The following HTR1E variants were observed in gnomAD, a reference collection of about 807,000 sequenced individuals.
The protein encoded by HTR1E is 5-HT-1E.
Under a neutral mutation model 3.4 loss-of-function variants are expected in HTR1E, and 3 were observed. The ratio of observed to expected loss-of-function variants is 0.89; its 90% CI spans 0.41 to 2.31. The LOEUF (loss-of-function observed/expected upper bound fraction) is 2.31, where lower values mean the gene tolerates loss of function less well. Ranked by LOEUF, HTR1E falls within the 30% of genes most tolerant of loss-of-function variation. The pLI is 0.05. For synonymous variants in HTR1E, 170 were observed against 182.8 expected (o/e 0.93, Z 0.56); for missense variants, 392 against 467.0 (o/e 0.84, Z 1.48).
intron 1 of HTR1E, among the ~76,000 whole-genome samples, chr6:86,960,217 C>T (rs1767385337): frequency 6.6e-6 from 1 of 152,154 alleles, no homozygotes; most frequent in South Asian, 2.1e-4. Context: ...TGAGGGCCTT[C>T]TTGCTGCACC....
At chr6:86,986,937 G>A (rs990769374) in intron 1 of HTR1E, among the ~76,000 whole-genome samples, 9 of 151,934 alleles carry the variant, frequency 5.9e-5, no homozygotes, top group Non-Finnish European at 8.8e-5. Flanking sequence ...ATTGAGGAAG[G>A]AAAAAGAAAA....
rs188672251 is a variant in HTR1E, at chr6:86,961,260, C to T, written c.-186+23437C>T. 2.5e-3 allele frequency among the ~76,000 whole-genome samples: 376 copies of T among 152,232 alleles called. 1 individual carries two copies. Among genetic ancestry groups the T allele is most frequent in the African/African-American group, 8.5e-3 (353 of 41,534 alleles). On this transcript the variant is annotated intron_variant, in intron 1 of 1. Transcript: ENST00000305344. Reference sequence around the variant, plus strand: ...TTAAAATCATCTCCTCATGCCTTTACAATTAAAAGTCATAGCTAATTATAA... The same window carrying T: ...TTAAAATCATCTCCTCATGCCTTTATAATTAAAAGTCATAGCTAATTATAA...
At chr6:86,949,964 G>A (rs1432453913) in intron 1 of HTR1E, among the ~76,000 whole-genome samples, 1 of 152,074 alleles carries the variant, frequency 6.6e-6, no homozygotes, top group African/African-American at 2.4e-5. Context: ...GGAGGCAGCT[G>A]GTCTCTCCCA....
At chr6:86,953,836 C>T (rs1164088843) in intron 1 of HTR1E, among the ~76,000 whole-genome samples, 1 of 152,072 alleles carries the variant, frequency 6.6e-6, no homozygotes, top group African/African-American at 2.4e-5. Context: ...CCTCAGGAAA[C>T]TTGCAATTAT....
rs1262092499 is a variant in HTR1E, at chr6:87,015,134, G to A, written c.-185-16G>A. The A allele has an allele frequency of 7.7e-6, 3 of 388,964 alleles. No individual in the cohort carries two copies. The highest frequency in any genetic ancestry group is 9.1e-6 in the Non-Finnish European group (2 of 220,190). The allele number at this position is 388,964 out of a possible 1,614,324, so 24.1% of individuals were successfully genotyped here. A position where few individuals can be genotyped will look rare whatever the true frequency, so the allele number is the denominator to read the frequency against. On this transcript the variant is annotated splice_polypyrimidine_tract_variant and intron_variant, in intron 1 of 1. Transcript: ENST00000305344. ...TGGCTTTCTCATTCATTAACCAATA[G>A]CATAATATTTTCCAGGAACCTTCAC...
chr6:87,005,523 C>A (rs2127831500), intron 1 of HTR1E, among the ~76,000 whole-genome samples: 1 of 152,272 alleles, frequency 6.6e-6, no homozygotes, highest in South Asian at 2.1e-4. Flanking sequence ...GCCGGGAGAA[C>A]TGGCAGCATT....
rs148053171 is a variant in HTR1E at position 86,938,229 on chromosome 6, CTG to C, written c.-186+411_-186+412del. On this transcript the variant is annotated intron_variant, in intron 1 of 1. Transcript: ENST00000305344. ...GTGTGCTCCAGGGACCCCGGAAGAACTGTGTGATTTCAAAGCCAGCTGATTAA... is the reference window on the plus strand; with the variant it reads ...GTGTGCTCCAGGGACCCCGGAAGAACTGTGATTTCAAAGCCAGCTGATTAA... 1.4e-3 allele frequency among the ~76,000 whole-genome samples: 215 copies of C among 152,202 alleles called. 2 individuals carry two copies. The highest frequency in any genetic ancestry group is 5.0e-3 in the African/African-American group (206 of 41,522).
In HTR1E at chr6:87,015,662, A is replaced by G. The variant is rs769722224; in HGVS notation, c.328A>G (p.Ile110Val). The G allele has an allele frequency of 6.2e-7, 1 of 1,614,122 alleles. No individual in the cohort carries two copies. Among genetic ancestry groups the G allele is most frequent in the Non-Finnish European group, 8.5e-7 (1 of 1,180,024 alleles). The change falls in exon 2 of 2, where the codon ATC (isoleucine) becomes GTC (valine). Residue 110 changes from isoleucine (I) to valine (V), a missense_variant. Coordinates refer to ENST00000305344, the MANE Select transcript of HTR1E (RefSeq NM_000865.3). ...GGACATGACCTGCTGCACCTGCTCCATCCTCCACCTCTGTGTCATTGCCCT... is the reference window on the plus strand; with the variant it reads ...GGACATGACCTGCTGCACCTGCTCCGTCCTCCACCTCTGTGTCATTGCCCT... ...SVDMTCCTCSILHLCVIALDR... is the reference protein window; with the variant it reads ...SVDMTCCTCSVLHLCVIALDR...
chr6:86,938,409 A>G (rs571281182), intron 1 of HTR1E, among the ~76,000 whole-genome samples: 3 of 152,318 alleles, frequency 2.0e-5, no homozygotes, highest in African/African-American at 7.2e-5. Context: ...GTAAGAGTTA[A>G]GATGAGAAGT....
At chr6:87,009,901 C>T (rs1768181144) in intron 1 of HTR1E, among the ~76,000 whole-genome samples, 3 of 123,000 alleles carry the variant, frequency 2.4e-5, no homozygotes, top group Admixed American at 7.5e-5. Context: ...CCCCACCTCC[C>T]TCCCGGACGG....
intron 1 of HTR1E, among the ~76,000 whole-genome samples, chr6:87,010,879 G>A (rs980872708): frequency 1.3e-5 from 2 of 152,180 alleles, no homozygotes; most frequent in Non-Finnish European, 2.9e-5. Context: ...CGGCCTATAC[G>A]CCACACTTCT....
intron 1 of HTR1E, among the ~76,000 whole-genome samples, chr6:87,005,118 G>A (rs1418744335): frequency 6.6e-6 from 1 of 152,180 alleles, no homozygotes; most frequent in Non-Finnish European, 1.5e-5. Flanking sequence ...GATATTCCAT[G>A]TTTATGGATT....
At chr6:86,966,480 C>G (rs952414559) in intron 1 of HTR1E, among the ~76,000 whole-genome samples, 1 of 152,170 alleles carries the variant, frequency 6.6e-6, no homozygotes. Flanking sequence ...GCTCTGGAAT[C>G]TTGGGCAATT....
chr6:86,969,864 G>A (rs28485887), intron 1 of HTR1E, among the ~76,000 whole-genome samples: 23,532 of 152,100 alleles, frequency 0.15, 2,105 homozygotes, highest in East Asian at 0.29. Context: ...TGACACAGTG[G>A]AACTTGGCCT....
At chr6:86,985,285 G>A (rs1279614750) in intron 1 of HTR1E, among the ~76,000 whole-genome samples, 2 of 151,984 alleles carry the variant, frequency 1.3e-5, no homozygotes, top group African/African-American at 2.4e-5. Flanking sequence ...GAAAAAAAAA[G>A]AAAGTTTTTG....
At chr6:86,958,860 C>A (rs970770484) in intron 1 of HTR1E, among the ~76,000 whole-genome samples, 1 of 151,922 alleles carries the variant, frequency 6.6e-6, no homozygotes, top group Non-Finnish European at 1.5e-5. Flanking sequence ...GTCTACCAAC[C>A]AGATATTGGC....
At chr6:86,948,958 A>G (rs1175004602) in intron 1 of HTR1E, among the ~76,000 whole-genome samples, 1 of 152,194 alleles carries the variant, frequency 6.6e-6, no homozygotes, top group Non-Finnish European at 1.5e-5. Context: ...ATTCTTGGGT[A>G]TATTATTTAA....
At chr6:86,989,681 T>G (rs1767845583) in intron 1 of HTR1E, among the ~76,000 whole-genome samples, 2 of 152,162 alleles carry the variant, frequency 1.3e-5, no homozygotes, top group African/African-American at 2.4e-5. Flanking sequence ...GACTGTAGCA[T>G]AAAAACCATA....
intron 1 of HTR1E, among the ~76,000 whole-genome samples, chr6:86,954,191 C>T (rs984731078): frequency 3.3e-5 from 5 of 152,148 alleles, no homozygotes; most frequent in African/African-American, 4.8e-5. Flanking sequence ...CCAGACACCA[C>T]AAGGGGCTAG....
Sources: gnomAD v4.1 joint callset for allele counts (sites outside exome capture counted in the v4.1 genomes callset) on GRCh38, gnomAD v4.1.1 for gene constraint, MANE v1.5 for transcripts, NCBI Gene and HGNC (gene_info 2026-07-23, HGNC 2026-07-21) for gene names.